Variants in SCHIP1 observed in about 807,000 individuals in gnomAD.
SCHIP1 encodes the protein schwannomin interacting protein 1.
A neutral mutation model predicts 29.7 loss-of-function variants in SCHIP1; 8 were observed. The observed-to-expected ratio is 0.27, with a 90% CI of 0.16 to 0.49. The LOEUF (loss-of-function observed/expected upper bound fraction) is 0.49. SCHIP1 is among the 20% of genes least tolerant of loss of function. The probability of loss-of-function intolerance (pLI) is 0.99; values close to 1 mark genes in which losing one functional copy is unlikely to be tolerated. For synonymous variants in SCHIP1, 76 were observed against 94.9 expected (o/e 0.80, Z 1.16); for missense variants, 193 against 294.6 (o/e 0.66, Z 2.52).
At chr3:159,469,240 A>G in the SCHIP1 span, among the ~76,000 whole-genome samples, 1 of 152,138 alleles carries the variant, frequency 6.6e-6, no homozygotes, top group African/African-American at 2.4e-5. Context: ...AAACACAAAT[A>G]AGAAGGTGAA....
the SCHIP1 span, among the ~76,000 whole-genome samples, chr3:159,631,874 A>G: frequency 1.1e-3 from 175 of 152,316 alleles, no homozygotes; most frequent in Non-Finnish European, 1.7e-3. Context: ...AAAATGGAAC[A>G]TCTCTAAATA....
At chr3:159,309,418 C>G in the SCHIP1 span, among the ~76,000 whole-genome samples, 1 of 152,098 alleles carries the variant, frequency 6.6e-6, no homozygotes, top group Non-Finnish European at 1.5e-5. Flanking sequence ...TTCTGTGTTT[C>G]CTACTGCTCG....
chr3:159,817,678 A>G, the SCHIP1 span, among the ~76,000 whole-genome samples: 1 of 152,228 alleles, frequency 6.6e-6, no homozygotes, highest in Non-Finnish European at 1.5e-5. Flanking sequence ...ACTTCTTTTC[A>G]GCTAGAGTTT....
chr3:159,522,229 G>C, the SCHIP1 span, among the ~76,000 whole-genome samples: 2 of 152,148 alleles, frequency 1.3e-5, no homozygotes, highest in Non-Finnish European at 2.9e-5. Context: ...GGAGAAAATG[G>C]AACAAATGAT....
chr3:159,527,834 G>C, the SCHIP1 span, among the ~76,000 whole-genome samples: 2 of 152,090 alleles, frequency 1.3e-5, no homozygotes, highest in African/African-American at 2.4e-5. Flanking sequence ...CATGCATGAA[G>C]CCTTAATATT....
chr3:159,647,656 T>A, the SCHIP1 span, among the ~76,000 whole-genome samples: 1 of 152,152 alleles, frequency 6.6e-6, no homozygotes, highest in African/African-American at 2.4e-5. Context: ...TCGCTAATAT[T>A]CTGATGCTTT....
chr3:159,841,199 A>G (rs1577408817), intron 1 of SCHIP1, among the ~76,000 whole-genome samples: 1 of 152,362 alleles, frequency 6.6e-6, no homozygotes, highest in East Asian at 1.9e-4. Context: ...ATGTGCAGGC[A>G]AAATAGTACA....
At chr3:159,697,811 C>A in the SCHIP1 span, among the ~76,000 whole-genome samples, 132 of 152,162 alleles carry the variant, frequency 8.7e-4, 1 homozygote, top group African/African-American at 3.0e-3. Context: ...AAATGTATTT[C>A]ACTTGTACAA....
chr3:159,573,544 T>C, the SCHIP1 span, among the ~76,000 whole-genome samples: 2 of 152,206 alleles, frequency 1.3e-5, no homozygotes, highest in African/African-American at 4.8e-5. Context: ...CCTTAACACT[T>C]TTTCCTTCAT....
At chr3:159,410,911 G>A in the SCHIP1 span, among the ~76,000 whole-genome samples, 1 of 152,066 alleles carries the variant, frequency 6.6e-6, no homozygotes, top group African/African-American at 2.4e-5. Context: ...AAGAAAATGT[G>A]GTACTTATGC....
the SCHIP1 span, among the ~76,000 whole-genome samples, chr3:159,398,192 G>A: frequency 0.13 from 20,484 of 151,988 alleles, 1,617 homozygotes; most frequent in African/African-American, 0.19. Flanking sequence ...GCTCACACAC[G>A]GTGCGCACAC....
At chr3:159,868,648 A>C (rs889789025) in intron 2 of SCHIP1, among the ~76,000 whole-genome samples, 8 of 152,030 alleles carry the variant, frequency 5.3e-5, no homozygotes, top group African/African-American at 1.9e-4. Context: ...CATGTTCTGC[A>C]TTTGTATTCC....
the SCHIP1 span, among the ~76,000 whole-genome samples, chr3:159,554,887 A>T: frequency 6.6e-6 from 1 of 151,870 alleles, no homozygotes; most frequent in African/African-American, 2.4e-5. Context: ...TTTCTCCTAT[A>T]TGCTTCCACC....
the SCHIP1 span, among the ~76,000 whole-genome samples, chr3:159,642,724 A>C: frequency 6.6e-6 from 1 of 152,116 alleles, no homozygotes; most frequent in African/African-American, 2.4e-5. Context: ...CCACATGCTC[A>C]TGGGTTGCAG....
At chr3:159,362,345 G>A in the SCHIP1 span, among the ~76,000 whole-genome samples, 1 of 152,180 alleles carries the variant, frequency 6.6e-6, no homozygotes, top group Admixed American at 6.5e-5. Context: ...TTGGCTGTGA[G>A]GGAGAAGGCA....
chr3:159,666,914 A>G, the SCHIP1 span, among the ~76,000 whole-genome samples: 2 of 152,220 alleles, frequency 1.3e-5, no homozygotes, highest in Non-Finnish European at 2.9e-5. Flanking sequence ...TAAGCCAGCC[A>G]GTTAGGTTCA....
chr3:159,550,195 C>G, the SCHIP1 span, among the ~76,000 whole-genome samples: 1 of 132,740 alleles, frequency 7.5e-6, no homozygotes, highest in Admixed American at 7.9e-5. Flanking sequence ...CTGAAATGTA[C>G]TTAGATCATT....
At chr3:159,872,116 G>T (rs916309386) in intron 2 of SCHIP1, among the ~76,000 whole-genome samples, 1 of 152,078 alleles carries the variant, frequency 6.6e-6, no homozygotes, top group Non-Finnish European at 1.5e-5. Flanking sequence ...CTTGTGTGCT[G>T]TTGTTTCCAT....
chr3:159,526,516 G>A, the SCHIP1 span, among the ~76,000 whole-genome samples: 6 of 152,122 alleles, frequency 3.9e-5, no homozygotes, highest in Non-Finnish European at 7.4e-5. Flanking sequence ...AGTTGAGTGG[G>A]TAGCATAAAT....
Sources: allele counts gnomAD v4.1 joint callset (sites outside exome capture counted in the v4.1 genomes callset), GRCh38; gene constraint gnomAD v4.1.1; transcripts MANE v1.5; gene names NCBI Gene and HGNC (gene_info 2026-07-23, HGNC 2026-07-21).